The following PHACTR2 variants were observed in gnomAD, a reference collection of about 807,000 sequenced individuals.
PHACTR2 encodes the protein phosphatase and actin regulator 2.
PHACTR2 carries 30 observed loss-of-function variants against 76.0 expected under a neutral mutation model. The observed-to-expected ratio is 0.39, with a 90% CI of 0.30 to 0.54. PHACTR2 has a LOEUF of 0.54. Among genes scored for constraint, PHACTR2 ranks in the 20% least tolerant of loss-of-function variants. The pLI, the probability that PHACTR2 is intolerant of heterozygous loss-of-function variation, is 0.61. For missense variants in PHACTR2, 696 were observed against 781.1 expected (o/e 0.89, Z 1.30); for synonymous variants, 292 against 292.5 (o/e 1.00, Z 0.02).
chr6:143,546,871 A>T lies in PHACTR2; in HGVS notation c.217+9664A>T, dbSNP rs1437610962. Among the ~76,000 whole-genome samples, 3 of 147,772 alleles carry T rather than the reference A, an allele frequency of 2.0e-5. No individual in the cohort carries two copies. The highest frequency in any genetic ancestry group is 7.6e-5 in the African/African-American group (3 of 39,592). ...TGAGACCCCATCTCAAAAAAAAAAAAAATAAAAAATAAAAAATTAGCCAGG... is the reference window on the plus strand; with the variant it reads ...TGAGACCCCATCTCAAAAAAAAAAATAATAAAAAATAAAAAATTAGCCAGG... On this transcript the variant is annotated intron_variant, in intron 1 of 11. Coordinates refer to the PHACTR2 transcript ENST00000367584. The surrounding 1 kb of genome is among the most constrained non-coding windows in gnomAD (Gnocchi z 4.9).
In PHACTR2 at chr6:143,760,734, G is replaced by A. The variant is rs1779422807; in HGVS notation, c.694+94G>A. On this transcript the variant is annotated intron_variant, in intron 5 of 12. Coordinates refer to ENST00000440869, the MANE Select transcript of PHACTR2 (RefSeq NM_001100164.2). This position sits in a 1 kb window ranked among gnomAD's most constrained non-coding sequence, Gnocchi z 6.4. ...TTCTTCTAGGTGTGATGGGCTTTTG[G>A]TGTCTTAGGACATTACACCAGCAGG... 2 of 1,418,742 alleles carry A rather than the reference G, an allele frequency of 1.4e-6. No individual in the cohort carries two copies. The highest frequency in any genetic ancestry group is 2.9e-5 in the African/African-American group (2 of 69,958). The allele number at this position is 1,418,742 out of a possible 1,614,324, so 87.9% of individuals were successfully genotyped here.
rs1775413585 is a variant in PHACTR2 at position 143,780,904 on chromosome 6, A to G, written c.1646-2315A>G. ...GTGAATCAAAAAATGAAGGAAGCAT[A>G]CAAAAAACTTGGTGTATTTTCAAAT... is the stretch of plus-strand genomic sequence containing the variant. On this transcript the variant is annotated intron_variant, in intron 9 of 12. Coordinates refer to ENST00000440869, the MANE Select transcript of PHACTR2 (RefSeq NM_001100164.2). The surrounding 1 kb of genome is among the most constrained non-coding windows in gnomAD (Gnocchi z 4.4). 6.6e-6 allele frequency among the ~76,000 whole-genome samples: 1 copy of G among 152,260 alleles called. No homozygotes were observed. The highest frequency in any genetic ancestry group is 1.5e-5 in the Non-Finnish European group (1 of 68,052).
chr6:143,756,461 C>T (rs927328137), intron 4 of PHACTR2, among the ~76,000 whole-genome samples: 13 of 151,652 alleles, frequency 8.6e-5, no homozygotes, highest in South Asian at 6.2e-4. Context: ...TTTGGGAGGC[C>T]GAGGCGGGCG....
In PHACTR2 at chr6:143,793,560, T is replaced by A. The variant is rs1775760291; in HGVS notation, c.1845+4650T>A. 6.6e-6 allele frequency among the ~76,000 whole-genome samples: 1 copy of A among 152,142 alleles called. No homozygotes were observed. The highest frequency in any genetic ancestry group is 1.5e-5 in the Non-Finnish European group (1 of 68,024). On this transcript the variant is annotated intron_variant, in intron 11 of 12. Transcript: ENST00000440869. The surrounding 1 kb of genome is among the most constrained non-coding windows in gnomAD (Gnocchi z 4.4). ...CATTTTTAGAAGTGGATTTTTATTG[T>A]GTATGTGTGTGTTTCTCTGGAAGAA... is the stretch of plus-strand genomic sequence containing the variant.
rs755922940 is a variant in PHACTR2, at chr6:143,537,085, C to A, written c.95C>A (p.Pro32Gln). 609 of 210,044 alleles carry A rather than the reference C, an allele frequency of 2.9e-3. 5 individuals are homozygous for A. The highest frequency in any genetic ancestry group is 0.014 in the African/African-American group (576 of 42,198). The allele number at this position is 210,044 out of a possible 1,614,324, so 13.0% of individuals were successfully genotyped here. A position where few individuals can be genotyped will look rare whatever the true frequency, so the allele number is the denominator to read the frequency against. The change falls in exon 1 of 12, where the codon CCG (proline) becomes CAG (glutamine). Residue 32 changes from proline to glutamine, a missense_variant. Physicochemically the swap from Pro to Gln is moderately conservative, Grantham distance 76 (BLOSUM62 -1). Transcript: ENST00000367584. This position sits in a 1 kb window ranked among gnomAD's most constrained non-coding sequence, Gnocchi z 4.4. ...GTCCCCGAGCCCGAGGCGCCCGCCC[C>A]GCCGGCGGCGCCTGCCCTGCGCTGG...
chr6:143,771,922 G>C lies in PHACTR2; in HGVS notation c.1233-336G>C, dbSNP rs190862918. On this transcript the variant is annotated intron_variant, in intron 6 of 12. Coordinates refer to ENST00000440869, the MANE Select transcript of PHACTR2 (RefSeq NM_001100164.2). ...CTTCAGGTCCCCATGGGACAGACGT[G>C]GGGGCAAGGAATTAAACTGAAGGTC... Among the ~76,000 whole-genome samples the C allele has an allele frequency of 8.6e-3, 1,305 of 152,276 alleles. 7 individuals are homozygous for C. The highest frequency in any genetic ancestry group is 0.044 in the Middle Eastern group (13 of 294).
intron 1 of PHACTR2, among the ~76,000 whole-genome samples, chr6:143,620,820 G>A (rs1464933650): frequency 6.6e-6 from 1 of 152,312 alleles, no homozygotes; most frequent in East Asian, 1.9e-4. Context: ...TGTTTTTAGG[G>A]AAATGTGGTT....
rs2128486872 is a variant in PHACTR2, at chr6:143,820,111, T to C, written c.1923-3563T>C. 1.3e-5 allele frequency among the ~76,000 whole-genome samples: 2 copies of C among 152,164 alleles called. No homozygotes were observed. Among genetic ancestry groups the C allele is most frequent in the South Asian group, 4.1e-4 (2 of 4,820 alleles). ...CCATCACAAAGACAGTACCAAGCCA[T>C]AGGGATCCACCCCCAGGACCCAAAC... On this transcript the variant is annotated intron_variant, in intron 12 of 12. Coordinates refer to ENST00000440869, the MANE Select transcript of PHACTR2 (RefSeq NM_001100164.2). This position sits in a 1 kb window ranked among gnomAD's most constrained non-coding sequence, Gnocchi z 4.2.
chr6:143,618,752 G>A lies in PHACTR2; in HGVS notation c.13+10430G>A, dbSNP rs1428346763. On this transcript the variant is annotated intron_variant, in intron 1 of 11. Transcript: ENST00000305766. This position sits in a 1 kb window ranked among gnomAD's most constrained non-coding sequence, Gnocchi z 5.2. ...TCTTAGCCTCAGCTCAAGTGTCCCCGTTTGCTCCAAACCATCCTCAACTCC... is the reference window on the plus strand; with the variant it reads ...TCTTAGCCTCAGCTCAAGTGTCCCCATTTGCTCCAAACCATCCTCAACTCC... Among the ~76,000 whole-genome samples the A allele has an allele frequency of 1.3e-5, 2 of 151,968 alleles. No homozygotes were observed. The highest frequency in any genetic ancestry group is 6.6e-5 in the Admixed American group (1 of 15,262).
chr6:143,673,403 T>G (rs1777190212), upstream of PHACTR2, among the ~76,000 whole-genome samples: 1 of 152,182 alleles, frequency 6.6e-6, no homozygotes, highest in Non-Finnish European at 1.5e-5. Context: ...TTATCATCTA[T>G]GTATTCAGTA....
intron 12 of PHACTR2, among the ~76,000 whole-genome samples, chr6:143,815,780 TA>T (rs1776282723): frequency 6.6e-6 from 1 of 151,624 alleles, no homozygotes; most frequent in Non-Finnish European, 1.5e-5. Flanking sequence ...TATTCCCAGC[TA>T]CTCTGGAGGC....
chr6:143,716,750 G>A (rs1032004337), intron 2 of PHACTR2, among the ~76,000 whole-genome samples: 3 of 152,220 alleles, frequency 2.0e-5, no homozygotes, highest in Non-Finnish European at 4.4e-5. Context: ...CACAGGGAAT[G>A]GATTTGGAAG....
chr6:143,712,108 A>T lies in PHACTR2; in HGVS notation c.139A>T (p.Thr47Ser). 6.3e-7 allele frequency: 1 copy of T among 1,593,522 alleles called. No homozygotes were observed. Among genetic ancestry groups the T allele is most frequent in the East Asian group, 2.3e-5 (1 of 44,370 alleles). The change falls in exon 2 of 13, where the codon ACC (threonine) becomes TCC (serine). Residue 47 changes from threonine to serine, a missense_variant. This residue lies in a region of PHACTR2 where 460 missense variants were observed against 450.9 expected (regional missense o/e 1.02). Transcript: ENST00000440869. Reference protein sequence around the residue: ...PPFKRKGKLSTIGKIFKPWKW... With the variant: ...PPFKRKGKLSSIGKIFKPWKW... Reference sequence around the variant, plus strand: ...CTTCAAAAGAAAGGGGAAACTATCCACCATTGGTAAAATCTTTAAGCCTTG... The same window carrying T: ...CTTCAAAAGAAAGGGGAAACTATCCTCCATTGGTAAAATCTTTAAGCCTTG...
chr6:143,568,137 T>C (rs1225006530), intron 1 of PHACTR2, among the ~76,000 whole-genome samples: 1 of 152,178 alleles, frequency 6.6e-6, no homozygotes, highest in Admixed American at 6.5e-5. Flanking sequence ...CCTTCTTCCT[T>C]GGAAAACAAA....
At chr6:143,681,929 T>G in intron 1 of PHACTR2, among the ~76,000 whole-genome samples, 1 of 152,248 alleles carries the variant, frequency 6.6e-6, no homozygotes, top group East Asian at 1.9e-4. Context: ...TCTGCTCCAT[T>G]GTCTCTTCTT....
chr6:143,671,255 G>C lies in PHACTR2; in HGVS notation c.14-40761G>C, dbSNP rs540970894. 6.6e-6 allele frequency among the ~76,000 whole-genome samples: 1 copy of C among 151,982 alleles called. No individual in the cohort carries two copies. Among genetic ancestry groups the C allele is most frequent in the Non-Finnish European group, 1.5e-5 (1 of 67,994 alleles). On this transcript the variant is annotated intron_variant, in intron 1 of 11. Transcript: ENST00000305766. This position sits in a 1 kb window ranked among gnomAD's most constrained non-coding sequence, Gnocchi z 4.6. Reference sequence around the variant, plus strand: ...CCAAAGTCTTTATAGTTAACTGCAAGGTCCTATGTGGTTATAATCTCCTTC... The same window carrying C: ...CCAAAGTCTTTATAGTTAACTGCAACGTCCTATGTGGTTATAATCTCCTTC...
rs2128477702 is a variant in PHACTR2 at position 143,782,131 on chromosome 6, A to C, written c.1646-1088A>C. Among the ~76,000 whole-genome samples the C allele has an allele frequency of 6.6e-6, 1 of 152,308 alleles. No individual in the cohort carries two copies. Among genetic ancestry groups the C allele is most frequent in the Admixed American group, 6.5e-5 (1 of 15,290 alleles). On this transcript the variant is annotated intron_variant, in intron 9 of 12. Transcript: ENST00000440869. The surrounding 1 kb of genome is among the most constrained non-coding windows in gnomAD (Gnocchi z 4.6). Reference sequence around the variant, plus strand: ...TTTCATACCTGTCATGGATTAAAAAAATTTTTTTTAATTGAACCCGGGAAG... The same window carrying C: ...TTTCATACCTGTCATGGATTAAAAACATTTTTTTTAATTGAACCCGGGAAG...
chr6:143,748,072 T>A (rs533874359), intron 2 of PHACTR2, among the ~76,000 whole-genome samples: 78 of 152,176 alleles, frequency 5.1e-4, no homozygotes, highest in South Asian at 8.3e-4. Flanking sequence ...TATTATTATT[T>A]TTTTTTTTCT....
In PHACTR2 at chr6:143,627,687, C is replaced by T. The variant is rs1324336821; in HGVS notation, c.13+19365C>T. On this transcript the variant is annotated intron_variant, in intron 1 of 11. Transcript: ENST00000305766. The surrounding 1 kb of genome is among the most constrained non-coding windows in gnomAD (Gnocchi z 4.3). ...CACGATCTCGGCTCACTGCAACCTC[C>T]GCCTCCCAGGTTCAAGCGATTCTCC... Among the ~76,000 whole-genome samples the T allele has an allele frequency of 4.0e-5, 6 of 151,638 alleles. No individual in the cohort carries two copies. Among genetic ancestry groups the T allele is most frequent in the Admixed American group, 2.6e-4 (4 of 15,240 alleles).
Sources: gnomAD v4.1 joint callset for allele counts (sites outside exome capture counted in the v4.1 genomes callset) on GRCh38, gnomAD v4.1.1 for gene constraint, gnomAD v4.1.1 regional missense constraint, Gnocchi (gnomAD v3.1) non-coding constraint, MANE v1.5 for transcripts, NCBI Gene and HGNC (gene_info 2026-07-23, HGNC 2026-07-21) for gene names.